PARVA: variants seen among roughly 807,000 people sequenced by gnomAD.
PARVA encodes parvin alpha, also known as alpha-parvin.
Under a neutral mutation model 52.6 loss-of-function variants are expected in PARVA, and 25 were observed. The ratio of observed to expected loss-of-function variants is 0.48; its 90% CI spans 0.35 to 0.66. PARVA has a LOEUF of 0.66. PARVA is among the 30% of genes least tolerant of loss of function. The pLI is 0.01. For missense variants in PARVA, 373 were observed against 450.9 expected (o/e 0.83, Z 1.56); for synonymous variants, 185 against 179.1 (o/e 1.03, Z -0.26).
At chr11:12,522,858 A>T (rs886348399) in intron 12 of PARVA, among the ~76,000 whole-genome samples, 3 of 152,060 alleles carry the variant, frequency 2.0e-5, no homozygotes, top group Non-Finnish European at 2.9e-5. Flanking sequence ...AAGAGGCAAC[A>T]TTTGAAGCTA....
At chr11:12,479,965 T>G (rs1941065559) in intron 4 of PARVA, 1 of 152,272 alleles carries the variant, frequency 6.6e-6, no homozygotes, top group African/African-American at 2.4e-5. Flanking sequence ...GGCTCATGCC[T>G]GTAATCCCAG....
intron 10 of PARVA, among the ~76,000 whole-genome samples, chr11:12,517,064 C>G (rs1279236753): frequency 6.6e-6 from 1 of 152,094 alleles, no homozygotes. Flanking sequence ...TGCCATTCAC[C>G]TTGGACATCA....
At chr11:12,455,325 T>C (rs189856197) in intron 1 of PARVA, among the ~76,000 whole-genome samples, 109 of 152,332 alleles carry the variant, frequency 7.2e-4, no homozygotes, top group African/African-American at 2.5e-3. Flanking sequence ...CAGAGATACA[T>C]TTCGATTTAG....
rs117542755 is a variant in PARVA at position 12,464,332 on chromosome 11, C to G, written c.137-9413C>G. On this transcript the variant is annotated intron_variant, in intron 1 of 12. Transcript: ENST00000334956. ...TGCATTACCACATGGACCATTCTAG[C>G]TTTCTCCCCTTGTTTATCTATAACC... 8.3e-4 allele frequency among the ~76,000 whole-genome samples: 127 copies of G among 152,332 alleles called. 1 individual carries two copies. The East Asian group carries it at 0.024, about 28-fold the overall frequency.
At chr11:12,413,594 T>G (rs769595702) in intron 1 of PARVA, among the ~76,000 whole-genome samples, 1 of 152,034 alleles carries the variant, frequency 6.6e-6, no homozygotes, top group Non-Finnish European at 1.5e-5. Context: ...ACTCACACAT[T>G]TTTAAGAAGC....
At chr11:12,377,322 C>T, upstream of PARVA, 2 of 918,046 alleles carry the variant, frequency 2.2e-6, no homozygotes, top group Non-Finnish European at 3.0e-6. Flanking sequence ...GTAAATGAAG[C>T]TTTCCGGCTC....
intron 4 of PARVA, among the ~76,000 whole-genome samples, chr11:12,490,299 G>A (rs904070250): frequency 6.6e-6 from 1 of 151,762 alleles, no homozygotes; most frequent in African/African-American, 2.4e-5. Context: ...TGAGGCGAAT[G>A]GATCACCTGA....
In PARVA at chr11:12,487,855, A is replaced by G. The variant is rs1941181246; in HGVS notation, c.401-8603A>G. 3.9e-5 allele frequency among the ~76,000 whole-genome samples: 6 copies of G among 152,154 alleles called. No individual in the cohort carries two copies. In the South Asian group the frequency reaches 1.2e-3, roughly 32 times the overall value. On this transcript the variant is annotated intron_variant, in intron 4 of 12. Transcript: ENST00000334956. ...CACATACAATGTTTGTATGCATAGA[A>G]TATTTCTCGTAATAGTCATAATAAA...
chr11:12,435,553 G>A (rs975860366), intron 1 of PARVA, among the ~76,000 whole-genome samples: 4 of 152,192 alleles, frequency 2.6e-5, no homozygotes, highest in African/African-American at 7.2e-5. Context: ...AGCCAAACCC[G>A]TGGAATTACA....
chr11:12,508,774 T>C (rs1415342716), intron 7 of PARVA, 132 bp downstream of exon 7: 2 of 747,654 alleles, frequency 2.7e-6, no homozygotes, highest in African/African-American at 1.8e-5. Flanking sequence ...CCAATGATTA[T>C]AGTTTAGCCT....
At chr11:12,489,215 A>G (rs1427925864) in intron 4 of PARVA, among the ~76,000 whole-genome samples, 1 of 152,058 alleles carries the variant, frequency 6.6e-6, no homozygotes, top group African/African-American at 2.4e-5. Context: ...ATATAAAATG[A>G]GTATGTTTAA....
At chr11:12,519,347 A>C (rs533479584) in intron 12 of PARVA, among the ~76,000 whole-genome samples, 1 of 152,094 alleles carries the variant, frequency 6.6e-6, no homozygotes, top group African/African-American at 2.4e-5. Context: ...ACCCCCACCT[A>C]GTGGGGGCCA....
intron 5 of PARVA, 54 bp from the exon 6 acceptor site, chr11:12,504,260 T>C: frequency 2.0e-6 from 2 of 1,004,430 alleles, no homozygotes; most frequent in East Asian, 4.9e-5. Context: ...TCTGCTTATA[T>C]TGCCTAGAAC....
chr11:12,522,487 C>A (rs192958412), intron 12 of PARVA, among the ~76,000 whole-genome samples: 1 of 143,202 alleles, frequency 7.0e-6, no homozygotes, highest in Non-Finnish European at 1.5e-5. Flanking sequence ...GGCGTGGTCT[C>A]GGCTCACTGG....
chr11:12,514,109 T>A (rs766876870), intron 10 of PARVA, 44 bp downstream of exon 10: 1 of 1,495,454 alleles, frequency 6.7e-7, no homozygotes, highest in South Asian at 1.1e-5. Context: ...GGCCCTGCCC[T>A]ACAGCCCCTG....
At chr11:12,420,121 G>A (rs1165571935) in intron 1 of PARVA, among the ~76,000 whole-genome samples, 1 of 152,158 alleles carries the variant, frequency 6.6e-6, no homozygotes, top group Non-Finnish European at 1.5e-5. Flanking sequence ...AGGAAATCAG[G>A]CATTCATGGC....
At chr11:12,518,822 G>A (rs912155998) in intron 12 of PARVA, among the ~76,000 whole-genome samples, 2 of 152,218 alleles carry the variant, frequency 1.3e-5, no homozygotes, top group African/African-American at 2.4e-5. Context: ...CCCTGCACAG[G>A]GTGCTGACCT....
At chr11:12,395,013 C>T (rs940516044) in intron 1 of PARVA, among the ~76,000 whole-genome samples, 14 of 151,736 alleles carry the variant, frequency 9.2e-5, no homozygotes, top group African/African-American at 3.4e-4. Context: ...ATCGCTTGAA[C>T]CCGGGAGGTG....
chr11:12,416,618 G>A (rs1940070537), intron 1 of PARVA, among the ~76,000 whole-genome samples: 1 of 152,062 alleles, frequency 6.6e-6, no homozygotes, highest in Non-Finnish European at 1.5e-5. Flanking sequence ...AGGAAGGAAG[G>A]AAGAAAAGGA....
Sources: gnomAD v4.1 joint callset for allele counts (sites outside exome capture counted in the v4.1 genomes callset) on GRCh38, gnomAD v4.1.1 for gene constraint, MANE v1.5 for transcripts, NCBI Gene and HGNC (gene_info 2026-07-23, HGNC 2026-07-21) for gene names.